SNTB1: variants seen among roughly 807,000 people sequenced by gnomAD.
SNTB1 encodes beta-1-syntrophin.
SNTB1 carries 36 observed loss-of-function variants against 48.9 expected under a neutral mutation model. That is an observed-to-expected ratio of 0.74 (90% CI 0.56 to 0.97). The LOEUF (loss-of-function observed/expected upper bound fraction) is 0.97. Ranked by LOEUF, SNTB1 falls within the 50% of genes least tolerant of loss-of-function variation. SNTB1 has a pLI of 0.00. For missense variants in SNTB1, 786 were observed against 703.4 expected, an observed-to-expected ratio of 1.12 and a Z score of -1.33; for synonymous variants, 299 against 294.6, an observed-to-expected ratio of 1.01 and a Z score of -0.15.
intron 4 of SNTB1, among the ~76,000 whole-genome samples, chr8:120,567,788 A>T (rs1586999124): frequency 1.4e-5 from 2 of 143,248 alleles, no homozygotes; most frequent in African/African-American, 5.4e-5. Flanking sequence ...AGTATAATAA[A>T]TTTTTTAAAA....
intron 3 of SNTB1, among the ~76,000 whole-genome samples, chr8:120,611,847 G>T (rs78460252): frequency 7.1e-6 from 1 of 140,416 alleles, no homozygotes; most frequent in African/African-American, 2.6e-5. Context: ...AAAAAAAAAG[G>T]CAGTGCCAGA....
chr8:120,774,350 G>A (rs1587151660), intron 1 of SNTB1, among the ~76,000 whole-genome samples: 1 of 152,200 alleles, frequency 6.6e-6, no homozygotes, highest in East Asian at 1.9e-4. Flanking sequence ...TGCAGCCAGG[G>A]CCATGTGGCT....
chr8:120,751,772 A>G (rs1412283522), intron 1 of SNTB1, among the ~76,000 whole-genome samples: 1 of 152,128 alleles, frequency 6.6e-6, no homozygotes, highest in Non-Finnish European at 1.5e-5. Flanking sequence ...TAACAATAGT[A>G]TGAGGTTTAA....
intron 1 of SNTB1, among the ~76,000 whole-genome samples, chr8:120,803,815 C>T (rs1820275464): frequency 6.6e-6 from 1 of 152,156 alleles, no homozygotes; most frequent in Non-Finnish European, 1.5e-5. Flanking sequence ...AATATCTAAG[C>T]AGACAGTTTT....
chr8:120,604,573 C>T (rs914933656), intron 3 of SNTB1, among the ~76,000 whole-genome samples: 1 of 151,802 alleles, frequency 6.6e-6, no homozygotes, highest in Admixed American at 6.6e-5. Flanking sequence ...GCCTCAGCCT[C>T]TCAGGTAGCT....
At chr8:120,561,835 A>G (rs1483220333) in intron 4 of SNTB1, among the ~76,000 whole-genome samples, 3 of 152,158 alleles carry the variant, frequency 2.0e-5, no homozygotes, top group African/African-American at 7.2e-5. Flanking sequence ...CCTGGCTACT[A>G]TGTTGGCCAC....
chr8:120,690,001 A>G (rs987779988), intron 2 of SNTB1, among the ~76,000 whole-genome samples: 1 of 152,172 alleles, frequency 6.6e-6, no homozygotes, highest in African/African-American at 2.4e-5. Context: ...TCTTCCATAT[A>G]ATTATAGTAA....
chr8:120,567,763 T>C (rs1480225428), intron 4 of SNTB1, among the ~76,000 whole-genome samples: 1 of 151,060 alleles, frequency 6.6e-6, no homozygotes, highest in East Asian at 2.0e-4. Flanking sequence ...CCCAAGGTGA[T>C]TAGTTAGTAG....
intron 6 of SNTB1, 38 bp from the exon 7 acceptor site, chr8:120,539,007 A>G (rs1178869643): frequency 7.3e-6 from 11 of 1,511,592 alleles, no homozygotes; most frequent in Non-Finnish European, 9.0e-6. Context: ...GCGATTTTAA[A>G]TTAATGCTTG....
chr8:120,629,229 T>C (rs117813527), intron 3 of SNTB1, among the ~76,000 whole-genome samples: 4,727 of 152,304 alleles, frequency 0.031, 122 homozygotes, highest in Non-Finnish European at 0.047. Context: ...CCTGACTATC[T>C]CATGAAGAAA....
chr8:120,694,565 T>A (rs2129866373), intron 1 of SNTB1, among the ~76,000 whole-genome samples: 1 of 151,432 alleles, frequency 6.6e-6, no homozygotes, highest in Admixed American at 6.6e-5. Context: ...ATATATATCA[T>A]TAATTCTTTA....
At chr8:120,783,235 A>C (rs1444615925) in intron 1 of SNTB1, among the ~76,000 whole-genome samples, 2 of 152,174 alleles carry the variant, frequency 1.3e-5, no homozygotes, top group African/African-American at 4.8e-5. Flanking sequence ...GTTGGTTTTC[A>C]CTAACTCATT....
chr8:120,611,747 A>G (rs368135948), intron 3 of SNTB1, among the ~76,000 whole-genome samples: 7 of 145,330 alleles, frequency 4.8e-5, no homozygotes, highest in African/African-American at 1.0e-4. Flanking sequence ...GCTTGAACCC[A>G]GGAGGCAGAG....
At chr8:120,799,322 T>C (rs1415391880) in intron 1 of SNTB1, among the ~76,000 whole-genome samples, 3 of 151,954 alleles carry the variant, frequency 2.0e-5, no homozygotes, top group East Asian at 3.9e-4. Flanking sequence ...CAGATATGCA[T>C]AGCACACTCA....
At chr8:120,578,004 G>T (rs565140291) in intron 3 of SNTB1, among the ~76,000 whole-genome samples, 1 of 152,022 alleles carries the variant, frequency 6.6e-6, no homozygotes, top group African/African-American at 2.4e-5. Flanking sequence ...CTTTCCAAAG[G>T]GGGGAAAAAT....
chr8:120,722,134 A>T (rs1261237713), intron 1 of SNTB1, among the ~76,000 whole-genome samples: 1 of 152,164 alleles, frequency 6.6e-6, no homozygotes, highest in Admixed American at 6.5e-5. Context: ...AATCCAGTCT[A>T]TCATTGCTGG....
intron 3 of SNTB1, among the ~76,000 whole-genome samples, chr8:120,583,437 A>G (rs991243353): frequency 6.6e-6 from 1 of 151,612 alleles, no homozygotes; most frequent in African/African-American, 2.4e-5. Flanking sequence ...GCTTGAACCC[A>G]GGGGGTGGAG....
In SNTB1 at chr8:120,575,048, C is replaced by G. The variant is rs368046356; in HGVS notation, c.1136+38G>C. The G allele has an allele frequency of 3.3e-5, 53 of 1,613,656 alleles. No homozygotes were observed. The Middle Eastern group carries it at 8.2e-4, about 25-fold the overall frequency. ...TTGTAATTCATTAAATAGAATCCAC[C>G]TGCAAACACATCATACCAAACACAA... is the stretch of plus-strand genomic sequence containing the variant. On this transcript the variant is annotated intron_variant, in intron 4 of 6. Coordinates refer to ENST00000517992, the MANE Select transcript of SNTB1 (RefSeq NM_021021.4).
intron 4 of SNTB1, among the ~76,000 whole-genome samples, chr8:120,549,599 C>T (rs1455381962): frequency 6.6e-6 from 1 of 152,216 alleles, no homozygotes; most frequent in Non-Finnish European, 1.5e-5. Flanking sequence ...GATTTTCACA[C>T]TGACTTTTGA....
Sources: gnomAD v4.1 joint callset for allele counts (sites outside exome capture counted in the v4.1 genomes callset) on GRCh38, gnomAD v4.1.1 for gene constraint, MANE v1.5 for transcripts, NCBI Gene and HGNC (gene_info 2026-07-23, HGNC 2026-07-21) for gene names.